The following PLD1 variants were observed in gnomAD, a reference collection of about 807,000 sequenced individuals.
The protein encoded by PLD1 is choline phosphatase 1.
Under a neutral mutation model 137.1 loss-of-function variants are expected in PLD1, and 112 were observed. The observed-to-expected ratio is 0.82, with a 90% confidence interval of 0.70 to 0.96. The LOEUF is 0.96. Among genes scored for constraint, PLD1 ranks in the 40% least tolerant of loss-of-function variants. The pLI is 0.00. For synonymous variants in PLD1, 431 were observed against 454.7 expected, an observed-to-expected ratio of 0.95 and a Z score of 0.66; for missense variants, 1,321 against 1,342.0, an observed-to-expected ratio of 0.98 and a Z score of 0.24.
intron 8 of PLD1, chr3:171,721,306 G>C (rs1378334823): frequency 6.6e-6 from 1 of 152,434 alleles, no homozygotes; most frequent in East Asian, 1.9e-4. Context: ...ATTAGGGAAG[G>C]ATAGAAAGAA....
chr3:171,663,149 T>G (rs1711695879), intron 19 of PLD1, among the ~76,000 whole-genome samples: 1 of 152,226 alleles, frequency 6.6e-6, no homozygotes, highest in Non-Finnish European at 1.5e-5. Flanking sequence ...CCTCTTCTCC[T>G]TAGCGTCTAT....
intron 1 of PLD1, among the ~76,000 whole-genome samples, chr3:171,749,883 A>G (rs1377198485): frequency 6.6e-6 from 1 of 152,220 alleles, no homozygotes; most frequent in African/African-American, 2.4e-5. Context: ...TACTAAAATG[A>G]CTTTAACAGA....
Position 171,792,922 on chromosome 3 carries a change from G to A in PLD1, c.-32+17477C>T, listed in dbSNP as rs1169208074. On this transcript the variant is annotated intron_variant, in intron 1 of 26. Coordinates refer to ENST00000351298, the MANE Select transcript of PLD1 (RefSeq NM_002662.5). ...CATCAACAAGGAAGCCAAAGCGGAAGACTCCCCAAGGAAGTGGGGCTCTCA... is the reference window on the plus strand; with the variant it reads ...CATCAACAAGGAAGCCAAAGCGGAAAACTCCCCAAGGAAGTGGGGCTCTCA... 3 of 330,462 alleles carry A rather than the reference G, an allele frequency of 9.1e-6. No homozygotes were observed. The East Asian group carries it at 2.6e-4, about 28-fold the overall frequency. The allele number at this position is 330,462 out of a possible 1,614,324, so 20.5% of individuals were successfully genotyped here. A position where few individuals can be genotyped will look rare whatever the true frequency, so the allele number is the denominator to read the frequency against.
At chr3:171,722,908 A>G (rs892069399) in intron 8 of PLD1, among the ~76,000 whole-genome samples, 9 of 152,182 alleles carry the variant, frequency 5.9e-5, no homozygotes, top group African/African-American at 1.9e-4. Context: ...TTTATGGGGT[A>G]TATGAGATAC....
Position 171,751,492 on chromosome 3 carries a change from G to T in PLD1, c.-31-13410C>A, listed in dbSNP as rs545848390. ...AAAATACAAAGAACAAGGGCCAGGG[G>T]CATATACAGGTAACCCATAGGAGAT... On this transcript the variant is annotated intron_variant, in intron 1 of 26. Transcript: ENST00000351298. Among the ~76,000 whole-genome samples the T allele has an allele frequency of 4.4e-4, 67 of 152,156 alleles. 2 individuals are homozygous for T. In the South Asian group the frequency reaches 0.014, roughly 31 times the overall value.
intron 1 of PLD1, among the ~76,000 whole-genome samples, chr3:171,806,157 C>T (rs763839220): frequency 6.6e-6 from 1 of 152,184 alleles, no homozygotes; most frequent in Non-Finnish European, 1.5e-5. Flanking sequence ...GTAAACACCA[C>T]GTAAGTGTTT....
chr3:171,798,388 C>A (rs1723514571), intron 1 of PLD1, among the ~76,000 whole-genome samples: 1 of 152,184 alleles, frequency 6.6e-6, no homozygotes, highest in African/African-American at 2.4e-5. Flanking sequence ...ATTTTACAGA[C>A]TCCTTGAGTC....
At chr3:171,619,699 G>A (rs560995735) in intron 24 of PLD1, among the ~76,000 whole-genome samples, 5 of 152,218 alleles carry the variant, frequency 3.3e-5, no homozygotes, top group East Asian at 1.9e-4. Context: ...AAACACATAC[G>A]AATTACCACA....
chr3:171,678,441 T>C (rs1560208093), intron 16 of PLD1, among the ~76,000 whole-genome samples: 1 of 152,220 alleles, frequency 6.6e-6, no homozygotes, highest in Non-Finnish European at 1.5e-5. Flanking sequence ...AGCAATCTAC[T>C]ATAGCATTTC....
At chr3:171,754,255 A>G (rs1720861093) in intron 1 of PLD1, among the ~76,000 whole-genome samples, 1 of 152,236 alleles carries the variant, frequency 6.6e-6, no homozygotes, top group Admixed American at 6.5e-5. Context: ...GAATGAATGA[A>G]TATGAATAAG....
intron 23 of PLD1, among the ~76,000 whole-genome samples, chr3:171,626,516 T>C (rs1001598847): frequency 6.6e-6 from 1 of 151,988 alleles, no homozygotes. Context: ...ACAAAGATAC[T>C]CCTCGAGAAG....
intron 1 of PLD1, among the ~76,000 whole-genome samples, chr3:171,773,350 T>A (rs989810174): frequency 1.3e-5 from 2 of 152,138 alleles, no homozygotes; most frequent in Non-Finnish European, 2.9e-5. Flanking sequence ...GCCCAGCACG[T>A]TGGGAGGCCG....
rs1233479707 is a variant in PLD1 at position 171,764,933 on chromosome 3, G to A, written c.-31-26851C>T. 1.3e-4 allele frequency among the ~76,000 whole-genome samples: 3 copies of A among 23,754 alleles called. 1 individual carries two copies. The highest frequency in any genetic ancestry group is 1.6e-3 in the East Asian group (2 of 1,282). 15.6% of individuals were successfully genotyped at this position (23,754 alleles called of 152,430 possible). A position where few individuals can be genotyped will look rare whatever the true frequency, so the allele number is the denominator to read the frequency against. ...GAAGGAAAGAAAGAAAGGAAAGAAA[G>A]GAAAGAAAGAAAGAAAGAAAGAAAG... On this transcript the variant is annotated intron_variant, in intron 1 of 26. Transcript: ENST00000351298.
In PLD1 at chr3:171,650,901, CA is replaced by C. The variant is rs769225505; in HGVS notation, c.2430-5879del. ...CGGGCGACAGAGCGAGAATCCGTCT[CA>C]AAAAAAAAAAAATTAATTTTAAAAT... On this transcript the variant is annotated intron_variant, in intron 21 of 26. Transcript: ENST00000351298. 3.7e-3 allele frequency among the ~76,000 whole-genome samples: 500 copies of C among 135,416 alleles called. 7 individuals are homozygous for C. Among genetic ancestry groups the C allele is most frequent in the East Asian group, 0.022 (101 of 4,694 alleles). 88.8% of individuals were successfully genotyped at this position (135,416 alleles called of 152,430 possible).
At chr3:171,613,548 C>T (rs1159300500) in intron 24 of PLD1, among the ~76,000 whole-genome samples, 1 of 152,174 alleles carries the variant, frequency 6.6e-6, no homozygotes, top group Admixed American at 6.5e-5. Flanking sequence ...TACAGATTGT[C>T]ATTTGTGGCT....
intron 1 of PLD1, among the ~76,000 whole-genome samples, chr3:171,770,258 A>G (rs1164118040): frequency 6.6e-6 from 1 of 152,248 alleles, no homozygotes; most frequent in Non-Finnish European, 1.5e-5. Context: ...AAAAACAGCA[A>G]AACTGAAGAC....
Position 171,752,749 on chromosome 3 carries a change from T to C in PLD1, c.-31-14667A>G, listed in dbSNP as rs527633051. 5.2e-4 allele frequency among the ~76,000 whole-genome samples: 79 copies of C among 152,376 alleles called. 1 individual carries two copies. The highest frequency in any genetic ancestry group is 1.8e-3 in the African/African-American group (73 of 41,588). On this transcript the variant is annotated intron_variant, in intron 1 of 26. Transcript: ENST00000351298. ...AGTGGGCAGTATTTTACTATATGTG[T>C]GTATGTGTCTTAGAAAGAATAGAAA...
In PLD1 at chr3:171,662,137, T is replaced by C; in HGVS notation, c.2263A>G (p.Ile755Val). 4 of 1,613,512 alleles carry C rather than the reference T, an allele frequency of 2.5e-6. No homozygotes were observed. The highest frequency in any genetic ancestry group is 2.2e-5 in the South Asian group (2 of 91,066). Residue 755 changes from isoleucine (I) to valine (V), a missense_variant, in exon 20 of 27, where the codon ATA (isoleucine) becomes GTA (valine). By Grantham distance (29) the Ile-to-Val change is conservative. Coordinates refer to ENST00000351298, the MANE Select transcript of PLD1 (RefSeq NM_002662.5). ...LRSAADWSAG[I>V]KYHEESIHAA... ...TGGATGGACTCTTCATGGTACTTTA[T>C]ACCAGCAGACCAATCAGCAGCAGAG... is the stretch of plus-strand genomic sequence containing the variant.
intron 16 of PLD1, among the ~76,000 whole-genome samples, chr3:171,682,432 A>G (rs572595916): frequency 1.5e-4 from 23 of 152,334 alleles, no homozygotes; most frequent in Non-Finnish European, 2.8e-4. Flanking sequence ...CCAATTCAAC[A>G]TGGTCATATG....
Sources: gnomAD v4.1 joint callset for allele counts (sites outside exome capture counted in the v4.1 genomes callset) on GRCh38, gnomAD v4.1.1 for gene constraint, MANE v1.5 for transcripts, NCBI Gene and HGNC (gene_info 2026-07-23, HGNC 2026-07-21) for gene names.